Variants in NRXN3 observed in about 807,000 individuals in gnomAD.
NRXN3 encodes the protein neurexin 3.
NRXN3 carries 32 observed loss-of-function variants against 137.6 expected under a neutral mutation model. The ratio of observed to expected loss-of-function variants is 0.23; its 90% CI spans 0.18 to 0.31. The LOEUF (loss-of-function observed/expected upper bound fraction) is 0.31. Among genes scored for constraint, NRXN3 ranks in the 10% least tolerant of loss-of-function variants. The pLI is 1.00. For missense variants in NRXN3, 1,574 were observed against 2,062.5 expected, an observed-to-expected ratio of 0.76 and a Z score of 4.59; for synonymous variants, 798 against 784.5, an observed-to-expected ratio of 1.02 and a Z score of -0.29.
At chr14:78,730,585 A>G (rs1180070463) in intron 8 of NRXN3, among the ~76,000 whole-genome samples, 1 of 152,174 alleles carries the variant, frequency 6.6e-6, no homozygotes, top group Non-Finnish European at 1.5e-5. Context: ...GGGCTGCACA[A>G]AACTGCAAGG....
At chr14:79,039,636 T>A (rs1357059309) in intron 15 of NRXN3, among the ~76,000 whole-genome samples, 1 of 152,092 alleles carries the variant, frequency 6.6e-6, no homozygotes, top group Non-Finnish European at 1.5e-5. Context: ...AACTTCTCCT[T>A]CCCCAGGCCA....
intron 4 of NRXN3, among the ~76,000 whole-genome samples, chr14:78,604,301 TG>T (rs1432670601): frequency 1.5e-4 from 18 of 116,174 alleles, no homozygotes; most frequent in African/African-American, 8.4e-4. Flanking sequence ...CTTGGTCATT[TG>T]TTTTTTTTTT....
chr14:79,545,168 C>T (rs2097307592), intron 16 of NRXN3, among the ~76,000 whole-genome samples: 1 of 152,138 alleles, frequency 6.6e-6, no homozygotes, highest in South Asian at 2.1e-4. Flanking sequence ...TGATAAATTA[C>T]CACACATTTT....
At chr14:79,023,821 A>G (rs1259985126) in intron 15 of NRXN3, among the ~76,000 whole-genome samples, 4 of 152,052 alleles carry the variant, frequency 2.6e-5, no homozygotes, top group African/African-American at 9.7e-5. Context: ...GGTTCCTCCC[A>G]CAACACATGG....
chr14:78,956,703 G>A (rs2099397422), intron 10 of NRXN3, among the ~76,000 whole-genome samples: 1 of 152,144 alleles, frequency 6.6e-6, no homozygotes, highest in Non-Finnish European at 1.5e-5. Flanking sequence ...GCTTACTATT[G>A]TGATTTCTAT....
chr14:79,001,391 C>T (rs2153108866), intron 15 of NRXN3, among the ~76,000 whole-genome samples: 1 of 152,352 alleles, frequency 6.6e-6, no homozygotes, highest in African/African-American at 2.4e-5. Flanking sequence ...ACTTGGCTTT[C>T]AAGGTCTTCC....
chr14:78,224,185 C>CTT (rs11415590), intron 1 of NRXN3, among the ~76,000 whole-genome samples: 130 of 147,378 alleles, frequency 8.8e-4, no homozygotes, highest in South Asian at 1.1e-3. Context: ...CTCAACAAGA[C>CTT]TTTTTTTTTT....
intron 19 of NRXN3, among the ~76,000 whole-genome samples, chr14:79,785,033 C>T (rs1269286253): frequency 6.6e-6 from 1 of 152,176 alleles, no homozygotes; most frequent in African/African-American, 2.4e-5. Context: ...TTCACCTTCT[C>T]ATAAAAGTGT....
At chr14:79,620,771 A>G (rs2098215203) in intron 16 of NRXN3, among the ~76,000 whole-genome samples, 1 of 152,118 alleles carries the variant, frequency 6.6e-6, no homozygotes, top group Non-Finnish European at 1.5e-5. Context: ...GTAGCATTGG[A>G]GTCAAAGGCC....
intron 4 of NRXN3, among the ~76,000 whole-genome samples, chr14:78,448,786 C>G (rs2094482793): frequency 6.6e-6 from 1 of 152,154 alleles, no homozygotes; most frequent in Admixed American, 6.5e-5. Flanking sequence ...CCCCTCTTAT[C>G]CCCTCCCCTG....
chr14:78,459,996 T>C (rs1010183368), intron 4 of NRXN3, among the ~76,000 whole-genome samples: 12 of 152,230 alleles, frequency 7.9e-5, no homozygotes, highest in African/African-American at 2.9e-4. Flanking sequence ...TGGCTATAAA[T>C]CGGGGATTCC....
chr14:78,657,004 A>G (rs10141382), intron 6 of NRXN3, among the ~76,000 whole-genome samples: 4,942 of 131,470 alleles, frequency 0.038, 283 homozygotes, highest in African/African-American at 0.14. Flanking sequence ...CCGAGATCGC[A>G]CCACTGCACT....
intron 15 of NRXN3, among the ~76,000 whole-genome samples, chr14:79,244,320 T>C (rs978027130): frequency 6.6e-6 from 1 of 152,206 alleles, no homozygotes; most frequent in Non-Finnish European, 1.5e-5. Flanking sequence ...CAAAACACTT[T>C]GCCTGCCGAT....
intron 1 of NRXN3, among the ~76,000 whole-genome samples, chr14:78,229,879 G>A (rs1418588408): frequency 6.6e-6 from 1 of 152,140 alleles, no homozygotes; most frequent in East Asian, 1.9e-4. Flanking sequence ...TGGCAGTGGA[G>A]GGGATAATAA....
rs74686694 is a variant in NRXN3, at chr14:79,784,599, C to T, written c.4015-20513C>T. ...TCTTCTTTTGTTGCATTTGTAGGTA[C>T]TTTTTGTTGTGTTGCTTTTTTTTTT... On this transcript the variant is annotated intron_variant, in intron 19 of 20. Coordinates refer to ENST00000335750, the MANE Select transcript of NRXN3 (RefSeq NM_001330195.2). Among the ~76,000 whole-genome samples the T allele has an allele frequency of 2.8e-3, 325 of 114,542 alleles. 11 individuals are homozygous for T. In the East Asian group the frequency reaches 0.056, roughly 20 times the overall value. 75.1% of individuals were successfully genotyped at this position (114,542 alleles called of 152,430 possible).
intron 15 of NRXN3, among the ~76,000 whole-genome samples, chr14:79,414,789 A>G (rs1188033060): frequency 1.3e-5 from 2 of 151,978 alleles, no homozygotes; most frequent in Non-Finnish European, 2.9e-5. Flanking sequence ...TAGTCTCCAT[A>G]CTCTATATTA....
At chr14:79,319,305 T>A (rs1302261909) in intron 15 of NRXN3, among the ~76,000 whole-genome samples, 1 of 152,226 alleles carries the variant, frequency 6.6e-6, no homozygotes, top group African/African-American at 2.4e-5. Context: ...GCAGCTATAA[T>A]ATTCCTGTTC....
At chr14:78,367,375 A>C (rs1567380375) in intron 4 of NRXN3, among the ~76,000 whole-genome samples, 1 of 152,144 alleles carries the variant, frequency 6.6e-6, no homozygotes, top group Non-Finnish European at 1.5e-5. Flanking sequence ...CCATGAGCTA[A>C]ATTAAAAAAT....
intron 15 of NRXN3, among the ~76,000 whole-genome samples, chr14:79,429,645 G>A (rs561942956): frequency 6.6e-4 from 101 of 152,270 alleles, no homozygotes; most frequent in African/African-American, 2.4e-3. Flanking sequence ...CCAAATGATA[G>A]CAGCTGTGAA....
Sources: allele counts gnomAD v4.1 joint callset (sites outside exome capture counted in the v4.1 genomes callset), GRCh38; gene constraint gnomAD v4.1.1; transcripts MANE v1.5; gene names NCBI Gene and HGNC (gene_info 2026-07-23, HGNC 2026-07-21).